The following LHFPL6 variants were observed in gnomAD, a reference collection of about 807,000 sequenced individuals.
The protein encoded by LHFPL6 is LHFPL tetraspan subfamily member 6.
In LHFPL6, 9 loss-of-function variants were observed where a neutral mutation model predicts 20.6. The observed-to-expected ratio is 0.44, with a 90% CI of 0.26 to 0.76. The LOEUF (loss-of-function observed/expected upper bound fraction) is 0.76, where lower values mean the gene tolerates loss of function less well. LHFPL6 is among the 30% of genes least tolerant of loss of function. The pLI is 0.20. For synonymous variants in LHFPL6, 105 were observed against 98.7 expected (o/e 1.06, Z -0.38); for missense variants, 218 against 253.5 (o/e 0.86, Z 0.95).
At chr13:39,585,353 C>T (rs1226359000) in intron 2 of LHFPL6, among the ~76,000 whole-genome samples, 1 of 152,184 alleles carries the variant, frequency 6.6e-6, no homozygotes, top group African/African-American at 2.4e-5. Context: ...TATATGAGAA[C>T]TATAAATTAC....
intron 3 of LHFPL6, among the ~76,000 whole-genome samples, chr13:39,348,131 G>A (rs1384430467): frequency 6.6e-6 from 1 of 152,162 alleles, no homozygotes; most frequent in Non-Finnish European, 1.5e-5. Flanking sequence ...TGGCAGAGAA[G>A]TCAATAAAAT....
At chr13:39,350,149 A>G (rs1869523070) in intron 3 of LHFPL6, among the ~76,000 whole-genome samples, 1 of 152,248 alleles carries the variant, frequency 6.6e-6, no homozygotes, top group Admixed American at 6.5e-5. Flanking sequence ...TTTCCAGTTC[A>G]TATCACTCAC....
intron 2 of LHFPL6, among the ~76,000 whole-genome samples, chr13:39,448,513 C>A (rs1204793908): frequency 2.0e-5 from 3 of 152,170 alleles, no homozygotes; most frequent in Non-Finnish European, 2.9e-5. Flanking sequence ...AAGAGAAATT[C>A]ATCATTTTTG....
intron 2 of LHFPL6, among the ~76,000 whole-genome samples, chr13:39,438,269 T>C (rs542040900): frequency 5.9e-5 from 9 of 152,328 alleles, no homozygotes; most frequent in African/African-American, 1.7e-4. Flanking sequence ...ACTGATGATT[T>C]AGACTGATGA....
chr13:39,475,797 G>C (rs906030280), intron 2 of LHFPL6, among the ~76,000 whole-genome samples: 25 of 152,068 alleles, frequency 1.6e-4, no homozygotes, highest in African/African-American at 5.6e-4. Flanking sequence ...ATCAGTTATC[G>C]GTTCCAGTAA....
intron 2 of LHFPL6, among the ~76,000 whole-genome samples, chr13:39,537,986 TTCTTTC>T (rs1184566317): frequency 3.3e-5 from 1 of 30,526 alleles, no homozygotes; most frequent in Admixed American, 5.0e-4. Context: ...CTTTCTTTCT[TTCTTTC>T]TTTTTTTTTT....
chr13:39,419,182 C>T (rs1190652558), intron 2 of LHFPL6, among the ~76,000 whole-genome samples: 1 of 152,144 alleles, frequency 6.6e-6, no homozygotes, highest in Non-Finnish European at 1.5e-5. Context: ...CCCTTTTGTC[C>T]TGACCCCAAT....
At chr13:39,381,121 G>A (rs1360672712) in intron 2 of LHFPL6, among the ~76,000 whole-genome samples, 2 of 152,154 alleles carry the variant, frequency 1.3e-5, no homozygotes, top group African/African-American at 2.4e-5. Context: ...AAACTGGTCC[G>A]TGGTGTAAAA....
intron 2 of LHFPL6, among the ~76,000 whole-genome samples, chr13:39,527,486 A>G (rs1870327486): frequency 6.6e-6 from 1 of 151,150 alleles, no homozygotes; most frequent in South Asian, 2.1e-4. Context: ...AACCGACAAC[A>G]TGGTTCCATC....
chr13:39,411,137 G>C (rs112770349), intron 2 of LHFPL6, among the ~76,000 whole-genome samples: 1 of 152,248 alleles, frequency 6.6e-6, no homozygotes, highest in Non-Finnish European at 1.5e-5. Flanking sequence ...TTATTCCTGG[G>C]GGCAGTGAGT....
rs546384254 is a variant in LHFPL6, at chr13:39,499,419, C to A, written c.385+101413G>T. Among the ~76,000 whole-genome samples, 4 of 152,324 alleles carry A rather than the reference C, an allele frequency of 2.6e-5. No homozygotes were observed. In the South Asian group the frequency reaches 6.2e-4, roughly 24 times the overall value. On this transcript the variant is annotated intron_variant, in intron 2 of 3. Coordinates refer to ENST00000379589, the MANE Select transcript of LHFPL6 (RefSeq NM_005780.3). ...GCTGGTCTTCCTTCCTCAGTCCTCTCCTCCCTTCACCATCCCTTGAGAGAA... is the reference window on the plus strand; with the variant it reads ...GCTGGTCTTCCTTCCTCAGTCCTCTACTCCCTTCACCATCCCTTGAGAGAA...
intron 2 of LHFPL6, among the ~76,000 whole-genome samples, chr13:39,425,906 T>A (rs1459420685): frequency 2.0e-5 from 3 of 152,078 alleles, no homozygotes; most frequent in African/African-American, 7.2e-5. Context: ...AAGTGACCCT[T>A]CAGCCTTAGT....
intron 2 of LHFPL6, among the ~76,000 whole-genome samples, chr13:39,415,498 CT>C (rs1470781148): frequency 2.8e-5 from 2 of 71,456 alleles, no homozygotes; most frequent in Admixed American, 1.5e-4. Context: ...CATAAAAATA[CT>C]GAAAAAAAAA....
chr13:39,408,158 T>C (rs1401643827), intron 2 of LHFPL6, among the ~76,000 whole-genome samples: 2 of 152,236 alleles, frequency 1.3e-5, no homozygotes, highest in African/African-American at 4.8e-5. Context: ...TGTCAAAAAC[T>C]ATTGAATAAG....
At chr13:39,395,055 A>C (rs1332995005) in intron 2 of LHFPL6, among the ~76,000 whole-genome samples, 1 of 152,074 alleles carries the variant, frequency 6.6e-6, no homozygotes, top group African/African-American at 2.4e-5. Context: ...CTCCAAACAG[A>C]AGTGTCCAGA....
At position 39,343,603 on chromosome 13, in the gene LHFPL6, TTGTGTGTGTGTGTGTG is replaced by T. The variant is rs67172252; in HGVS notation, c.*317_*332del. On this transcript the variant is annotated 3_prime_UTR_variant, in exon 4 of 4. Transcript: ENST00000379589. ...ACCCTTGTTTGTATATGTAGATTTG[TTGTGTGTGTGTGTGTG>T]TGTGTGTGTGTGTGTGTGTGTGTGT... is the stretch of plus-strand genomic sequence containing the variant. The T allele has an allele frequency of 0.015, 2,860 of 195,158 alleles. 98 individuals are homozygous for T. Among genetic ancestry groups the T allele is most frequent in the Admixed American group, 0.11 (1,628 of 15,478 alleles). The allele number at this position is 195,158 out of a possible 1,614,324, so 12.1% of individuals were successfully genotyped here.
At chr13:39,350,730 T>A (rs1869543388) in intron 3 of LHFPL6, among the ~76,000 whole-genome samples, 1 of 152,112 alleles carries the variant, frequency 6.6e-6, no homozygotes, top group South Asian at 2.1e-4. Flanking sequence ...CTTTCAACAA[T>A]GGGGAATACT....
chr13:39,462,128 T>A (rs564031657), intron 2 of LHFPL6, among the ~76,000 whole-genome samples: 1 of 152,238 alleles, frequency 6.6e-6, no homozygotes, highest in East Asian at 1.9e-4. Context: ...ATTTTCTAAC[T>A]CTTTATGGAC....
intron 2 of LHFPL6, among the ~76,000 whole-genome samples, chr13:39,517,103 G>C (rs184516115): frequency 2.6e-5 from 4 of 152,302 alleles, no homozygotes; most frequent in Admixed American, 1.3e-4. Context: ...TGGTACTAAA[G>C]GGAAAGGGTT....
Sources: gnomAD v4.1 joint callset for allele counts (sites outside exome capture counted in the v4.1 genomes callset) on GRCh38, gnomAD v4.1.1 for gene constraint, MANE v1.5 for transcripts, NCBI Gene and HGNC (gene_info 2026-07-23, HGNC 2026-07-21) for gene names.